The following SLC4A4 variants were observed in gnomAD, a reference collection of about 807,000 sequenced individuals.
SLC4A4 encodes solute carrier family 4 member 4.
A neutral mutation model predicts 111.5 loss-of-function variants in SLC4A4; 27 were observed. The observed-to-expected ratio is 0.24, with a 90% CI of 0.18 to 0.33. SLC4A4 has a LOEUF of 0.33. Among genes scored for constraint, SLC4A4 ranks in the 10% least tolerant of loss-of-function variants. The pLI is 1.00. For synonymous variants in SLC4A4, 443 were observed against 463.4 expected, an observed-to-expected ratio of 0.96 and a Z score of 0.57; for missense variants, 909 against 1,315.5, an observed-to-expected ratio of 0.69 and a Z score of 4.78.
At chr4:71,168,086 G>T (rs1424605968) in intron 2 of SLC4A4, among the ~76,000 whole-genome samples, 1 of 151,184 alleles carries the variant, frequency 6.6e-6, no homozygotes, top group Non-Finnish European at 1.5e-5. Flanking sequence ...TTTGATATAG[G>T]CATGCAATGT....
At chr4:71,459,650 A>G (rs1726635702) in intron 12 of SLC4A4, among the ~76,000 whole-genome samples, 1 of 152,052 alleles carries the variant, frequency 6.6e-6, no homozygotes, top group Non-Finnish European at 1.5e-5. Flanking sequence ...TAGGTGATTA[A>G]CTACATGTTT....
At chr4:71,223,921 C>T (rs1050383266) in intron 1 of SLC4A4, among the ~76,000 whole-genome samples, 1 of 151,978 alleles carries the variant, frequency 6.6e-6, no homozygotes, top group African/African-American at 2.4e-5. Flanking sequence ...TTCGTGGCCC[C>T]GTTTCTGATC....
At chr4:71,331,500 A>G (rs1051863886) in intron 3 of SLC4A4, among the ~76,000 whole-genome samples, 3 of 146,428 alleles carry the variant, frequency 2.0e-5, no homozygotes, top group African/African-American at 7.5e-5. Flanking sequence ...CAAACACCAC[A>G]TGTTCTCACT....
intron 6 of SLC4A4, among the ~76,000 whole-genome samples, chr4:71,395,093 G>T (rs1199532969): frequency 1.3e-5 from 2 of 152,076 alleles, no homozygotes; most frequent in African/African-American, 2.4e-5. Context: ...ATAAAGAATT[G>T]CTCTGGTGTG....
intron 3 of SLC4A4, among the ~76,000 whole-genome samples, chr4:71,316,472 C>A (rs1726688982): frequency 6.6e-6 from 1 of 152,056 alleles, no homozygotes. Context: ...ATCCCTGGTA[C>A]CCCTGGTGGT....
chr4:71,135,004 G>T (rs1416766301), intron 2 of SLC4A4, among the ~76,000 whole-genome samples: 1 of 152,144 alleles, frequency 6.6e-6, no homozygotes, highest in Non-Finnish European at 1.5e-5. Flanking sequence ...GCTTGCTAGG[G>T]GTTACAGTTG....
intron 8 of SLC4A4, among the ~76,000 whole-genome samples, chr4:71,441,764 T>C (rs895586510): frequency 6.6e-6 from 1 of 152,248 alleles, no homozygotes; most frequent in Non-Finnish European, 1.5e-5. Context: ...CAGGCTATTC[T>C]TCCTCATCAT....
At chr4:71,466,244 A>G (rs1400550857) in intron 12 of SLC4A4, among the ~76,000 whole-genome samples, 200 bp from the exon 13 acceptor site, 1 of 152,152 alleles carries the variant, frequency 6.6e-6, no homozygotes, top group Non-Finnish European at 1.5e-5. Flanking sequence ...GTAGGGAACC[A>G]TGACTAAATT....
chr4:71,296,624 T>C (rs1724815259), intron 3 of SLC4A4, among the ~76,000 whole-genome samples: 1 of 152,198 alleles, frequency 6.6e-6, no homozygotes, highest in African/African-American at 2.4e-5. Flanking sequence ...GGAAATATGA[T>C]TTGATGATTT....
chr4:71,300,966 C>A, intron 3 of SLC4A4: 1 of 509,224 alleles, frequency 2.0e-6, no homozygotes, highest in South Asian at 1.5e-5. Flanking sequence ...CAGGGCTGAT[C>A]ATGTGAAGGG....
At chr4:71,404,399 G>C (rs1720647064) in intron 7 of SLC4A4, among the ~76,000 whole-genome samples, 1 of 152,200 alleles carries the variant, frequency 6.6e-6, no homozygotes, top group African/African-American at 2.4e-5. Flanking sequence ...TCCTATGAAA[G>C]AATTGAACTC....
At chr4:71,526,002 C>A (rs1163836496) in intron 16 of SLC4A4, among the ~76,000 whole-genome samples, 1 of 151,942 alleles carries the variant, frequency 6.6e-6, no homozygotes, top group East Asian at 1.9e-4. Flanking sequence ...TATTTACAGA[C>A]CCCATTGTGT....
At chr4:71,127,522 T>C (rs1162822888) in intron 2 of SLC4A4, among the ~76,000 whole-genome samples, 1 of 152,192 alleles carries the variant, frequency 6.6e-6, no homozygotes, top group African/African-American at 2.4e-5. Context: ...TGCCAGACTT[T>C]TGAATCACAT....
At chr4:71,487,164 G>T in intron 15 of SLC4A4, 146 bp downstream of exon 15, 23 of 426,880 alleles carry the variant, frequency 5.4e-5, no homozygotes, top group East Asian at 1.6e-4. Context: ...GGAGGGACGG[G>T]AAAAAAAAAA....
intron 6 of SLC4A4, among the ~76,000 whole-genome samples, chr4:71,385,489 C>T (rs1380000243): frequency 6.6e-6 from 1 of 151,944 alleles, no homozygotes; most frequent in Non-Finnish European, 1.5e-5. Context: ...TGAGCCATCA[C>T]GCCCAGCCTT....
chr4:71,503,058 TTTA>T (rs1204628138), intron 16 of SLC4A4, among the ~76,000 whole-genome samples: 1 of 152,136 alleles, frequency 6.6e-6, no homozygotes, highest in Non-Finnish European at 1.5e-5. Context: ...AATCGATTCT[TTTA>T]TTATTATATA....
chr4:71,087,498 G>A (rs1379392434), intron 1 of SLC4A4, among the ~76,000 whole-genome samples: 2 of 151,888 alleles, frequency 1.3e-5, no homozygotes, highest in Non-Finnish European at 2.9e-5. Context: ...TGTGATGTTA[G>A]GGTGTCAATT....
intron 1 of SLC4A4, among the ~76,000 whole-genome samples, chr4:71,198,202 A>C (rs1168262410): frequency 6.6e-6 from 1 of 152,234 alleles, no homozygotes; most frequent in Non-Finnish European, 1.5e-5. Flanking sequence ...ATTACCTTAC[A>C]ATATATGTGA....
chr4:71,472,678 A>G (rs199512544), intron 13 of SLC4A4, 21 bp from the exon 14 acceptor site: 1 of 1,611,362 alleles, frequency 6.2e-7, no homozygotes, highest in East Asian at 2.2e-5. Flanking sequence ...GAATCTAAAC[A>G]TTTTTCTTTC....
Sources: allele counts gnomAD v4.1 joint callset (sites outside exome capture counted in the v4.1 genomes callset), GRCh38; gene constraint gnomAD v4.1.1; transcripts MANE v1.5; gene names NCBI Gene and HGNC (gene_info 2026-07-23, HGNC 2026-07-21).